Variants in SYT1 observed in about 807,000 individuals in gnomAD.
SYT1 encodes the protein synaptotagmin 1, also known as synaptotagmin-1.
SYT1 carries 8 observed loss-of-function variants against 44.8 expected under a neutral mutation model. The observed-to-expected ratio is 0.18, with a 90% CI of 0.10 to 0.32. The LOEUF (loss-of-function observed/expected upper bound fraction) is 0.32, where lower values mean the gene tolerates loss of function less well. Among genes scored for constraint, SYT1 ranks in the 10% least tolerant of loss-of-function variants. SYT1 has a pLI of 1.00. For synonymous variants in SYT1, 154 were observed against 188.8 expected, an observed-to-expected ratio of 0.82 and a Z score of 1.51; for missense variants, 286 against 509.3, an observed-to-expected ratio of 0.56 and a Z score of 4.22.
intron 1 of SYT1, among the ~76,000 whole-genome samples, chr12:78,910,487 T>G (rs770820929): frequency 1.2e-4 from 18 of 151,994 alleles, no homozygotes; most frequent in Non-Finnish European, 2.4e-4. Context: ...CAGCTCATCT[T>G]AAATCCCTAG....
intron 3 of SYT1, among the ~76,000 whole-genome samples, chr12:79,110,125 T>C (rs1283968916): frequency 6.6e-6 from 1 of 152,208 alleles, no homozygotes; most frequent in Non-Finnish European, 1.5e-5. Context: ...TGACTTCTAC[T>C]CCATTTCTCA....
intron 2 of SYT1, among the ~76,000 whole-genome samples, chr12:79,015,632 TA>T (rs1468717570): frequency 6.6e-6 from 1 of 152,128 alleles, no homozygotes; most frequent in Non-Finnish European, 1.5e-5. Flanking sequence ...TGGACCGAAG[TA>T]AATATAATCG....
intron 2 of SYT1, among the ~76,000 whole-genome samples, chr12:79,042,064 A>G (rs1873624568): frequency 6.7e-6 from 1 of 150,218 alleles, no homozygotes; most frequent in South Asian, 2.1e-4. Flanking sequence ...AATGTTCATC[A>G]AGGATATTGG....
intron 4 of SYT1, among the ~76,000 whole-genome samples, chr12:79,238,855 A>C (rs1348707636): frequency 1.3e-5 from 2 of 152,170 alleles, no homozygotes; most frequent in African/African-American, 4.8e-5. Flanking sequence ...TCATATGGCT[A>C]ATTTGCTTTG....
chr12:78,988,834 A>G (rs1869831620), intron 2 of SYT1, among the ~76,000 whole-genome samples: 1 of 152,178 alleles, frequency 6.6e-6, no homozygotes, highest in African/African-American at 2.4e-5. Flanking sequence ...AATTTATTCC[A>G]GTTTCTGTAT....
chr12:79,445,134 A>G (rs1185796313), intron 10 of SYT1, among the ~76,000 whole-genome samples: 2 of 152,172 alleles, frequency 1.3e-5, no homozygotes, highest in African/African-American at 4.8e-5. Context: ...AACCTTCTAA[A>G]GGTCCAGAAT....
rs191447337 is a variant in SYT1, at chr12:79,390,025, T to C, written c.928+36406T>C. ...TTGGCTCACTGCAATTTCTGCCTCC[T>C]GGGTTCACACCATTCTCCTGCCTCA... On this transcript the variant is annotated intron_variant, in intron 9 of 10. Transcript: ENST00000261205. Among the ~76,000 whole-genome samples the C allele has an allele frequency of 3.9e-3, 591 of 152,156 alleles. 3 individuals carry two copies. Among genetic ancestry groups the C allele is most frequent in the Non-Finnish European group, 6.0e-3 (410 of 67,976 alleles).
intron 5 of SYT1, among the ~76,000 whole-genome samples, chr12:79,289,239 G>A (rs1445309067): frequency 6.6e-6 from 1 of 152,186 alleles, no homozygotes; most frequent in Admixed American, 6.5e-5. Context: ...AAGGTCTGAT[G>A]TTCCCAACCC....
intron 4 of SYT1, among the ~76,000 whole-genome samples, chr12:79,254,666 G>A (rs1455267647): frequency 1.3e-5 from 2 of 152,202 alleles, no homozygotes; most frequent in Non-Finnish European, 2.9e-5. Context: ...CTTCTAGAAA[G>A]TATTCATCAT....
intron 1 of SYT1, among the ~76,000 whole-genome samples, chr12:78,900,357 A>G: frequency 6.6e-6 from 1 of 152,148 alleles, no homozygotes; most frequent in East Asian, 1.9e-4. Context: ...GCAGATGTTA[A>G]TACATTATAA....
At chr12:79,328,629 G>T (rs1448130557) in intron 8 of SYT1, among the ~76,000 whole-genome samples, 1 of 151,994 alleles carries the variant, frequency 6.6e-6, no homozygotes, top group Non-Finnish European at 1.5e-5. Context: ...GGCAGATCAC[G>T]AGGTTAGGAG....
At chr12:78,918,694 G>A (rs1876808993) in intron 1 of SYT1, among the ~76,000 whole-genome samples, 1 of 151,876 alleles carries the variant, frequency 6.6e-6, no homozygotes, top group Admixed American at 6.6e-5. Context: ...GACCAACTGG[G>A]GCCAGATTTT....
intron 8 of SYT1, among the ~76,000 whole-genome samples, chr12:79,321,376 A>G (rs1881350317): frequency 6.6e-6 from 1 of 152,220 alleles, no homozygotes; most frequent in Non-Finnish European, 1.5e-5. Flanking sequence ...CCTGGTAATG[A>G]ACTTATGAAA....
rs569498408 is a variant in SYT1, at chr12:78,948,953, C to A, written c.-216-28846C>A. On this transcript the variant is annotated intron_variant, in intron 1 of 10. Coordinates refer to ENST00000261205, the MANE Select transcript of SYT1 (RefSeq NM_005639.3). ...CTTTTTCTGTAGCAAAAATCAAGGC[C>A]TATTATATTATATTATATTATATTA... Among the ~76,000 whole-genome samples the A allele has an allele frequency of 8.4e-5, 12 of 142,490 alleles. 1 individual carries two copies. Among genetic ancestry groups the A allele is most frequent in the East Asian group, 6.1e-4 (3 of 4,924 alleles). 93.5% of individuals were successfully genotyped at this position (142,490 alleles called of 152,430 possible).
At chr12:79,249,714 T>G (rs1268463) in intron 4 of SYT1, among the ~76,000 whole-genome samples, 108,039 of 152,104 alleles carry the variant, frequency 0.71, 38,900 homozygotes, top group African/African-American at 0.79. Flanking sequence ...CCAGCCTTGG[T>G]GATGACTTTA....
intron 9 of SYT1, among the ~76,000 whole-genome samples, chr12:79,383,623 TA>T (rs1312761150): frequency 1.3e-5 from 2 of 152,196 alleles, no homozygotes; most frequent in African/African-American, 4.8e-5. Flanking sequence ...GAATTTACAG[TA>T]TTAGACAAAA....
intron 8 of SYT1, among the ~76,000 whole-genome samples, chr12:79,315,211 C>T (rs574326506): frequency 1.3e-5 from 2 of 151,990 alleles, no homozygotes; most frequent in South Asian, 4.2e-4. Flanking sequence ...ATATTAAATA[C>T]AATTAAAAAA....
chr12:79,143,505 T>C (rs1275028587), intron 3 of SYT1, among the ~76,000 whole-genome samples: 1 of 152,188 alleles, frequency 6.6e-6, no homozygotes, highest in Non-Finnish European at 1.5e-5. Flanking sequence ...ACAGCAGTGA[T>C]GGGTGCTCAG....
intron 2 of SYT1, among the ~76,000 whole-genome samples, chr12:79,025,691 T>C (rs911345881): frequency 5.9e-5 from 9 of 151,786 alleles, no homozygotes; most frequent in African/African-American, 2.2e-4. Context: ...ATATAGGCTC[T>C]GTATTTTGTT....
Sources: gnomAD v4.1 joint callset for allele counts (sites outside exome capture counted in the v4.1 genomes callset) on GRCh38, gnomAD v4.1.1 for gene constraint, MANE v1.5 for transcripts, NCBI Gene and HGNC (gene_info 2026-07-23, HGNC 2026-07-21) for gene names.